Variants in ZSWIM5 observed in about 807,000 individuals in gnomAD.
ZSWIM5 encodes zinc finger SWIM domain-containing protein 5.
A neutral mutation model predicts 119.6 loss-of-function variants in ZSWIM5; 55 were observed. The ratio of observed to expected loss-of-function variants is 0.46; its 90% confidence interval spans 0.37 to 0.58. The LOEUF (loss-of-function observed/expected upper bound fraction) is 0.58, where lower values mean the gene tolerates loss of function less well. ZSWIM5 is among the 20% of genes least tolerant of loss of function. The probability of loss-of-function intolerance (pLI) is 0.00; values close to 1 mark genes in which losing one functional copy is unlikely to be tolerated. For synonymous variants in ZSWIM5, 537 were observed against 606.9 expected (o/e 0.88, Z 1.69); for missense variants, 1,193 against 1,512.8 (o/e 0.79, Z 3.51).
At chr1:45,185,827 G>A (rs1288101668) in intron 1 of ZSWIM5, among the ~76,000 whole-genome samples, 1 of 152,216 alleles carries the variant, frequency 6.6e-6, no homozygotes, top group Non-Finnish European at 1.5e-5. Context: ...TTCAACCATT[G>A]TGGAAGACAG....
rs1239948466 is a variant in ZSWIM5 at position 45,072,216 on chromosome 1, T to C, written c.953-11969A>G. On this transcript the variant is annotated intron_variant, in intron 2 of 13. Coordinates refer to ENST00000359600, the MANE Select transcript of ZSWIM5 (RefSeq NM_020883.2). This position sits in a 1 kb window ranked among gnomAD's most constrained non-coding sequence, Gnocchi z 4.1. ...TTTTCATATACTCATTTGCCACTTG[T>C]ATGTCGTCTTTTGAGAAATGTCTGT... Among the ~76,000 whole-genome samples, 1 of 152,030 alleles carries C rather than the reference T, an allele frequency of 6.6e-6. No individual in the cohort carries two copies. Among genetic ancestry groups the C allele is most frequent in the Non-Finnish European group, 1.5e-5 (1 of 68,036 alleles).
intron 1 of ZSWIM5, among the ~76,000 whole-genome samples, chr1:45,154,614 G>A (rs1274358201): frequency 6.6e-6 from 1 of 152,150 alleles, no homozygotes; most frequent in Non-Finnish European, 1.5e-5. Flanking sequence ...AGGTGTGGTG[G>A]CTCACGCCTG....
chr1:45,082,748 T>C (rs12080808), intron 2 of ZSWIM5, among the ~76,000 whole-genome samples: 6 of 152,182 alleles, frequency 3.9e-5, no homozygotes, highest in African/African-American at 1.4e-4. Context: ...CTCAAGTTGA[T>C]TGTGGCAGCC....
At chr1:45,055,135 C>T (rs899939485) in intron 4 of ZSWIM5, among the ~76,000 whole-genome samples, 27 of 152,294 alleles carry the variant, frequency 1.8e-4, no homozygotes, top group South Asian at 1.2e-3. Flanking sequence ...GGACTACAGG[C>T]GCCCACCACC....
At position 45,193,938 on chromosome 1, in the gene ZSWIM5, G is replaced by GTGTATA. The variant is rs766920512; in HGVS notation, c.595+11817_595+11818insTATACA. ...TATGTGTACATATGTGTGCATATGTGTATATATATATATATATACATACAT... is the reference window on the plus strand; with the variant it reads ...TATGTGTACATATGTGTGCATATGTGTGTATATATATATATATATATATACATACAT... On this transcript the variant is annotated intron_variant, in intron 1 of 13. Coordinates refer to ENST00000359600, the MANE Select transcript of ZSWIM5 (RefSeq NM_020883.2). Among the ~76,000 whole-genome samples, 971 of 146,264 alleles carry GTGTATA rather than the reference G, an allele frequency of 6.6e-3. 20 individuals are homozygous for GTGTATA. Among genetic ancestry groups the GTGTATA allele is most frequent in the African/African-American group, 0.024 (941 of 39,590 alleles).
intron 2 of ZSWIM5, among the ~76,000 whole-genome samples, chr1:45,069,743 C>T (rs951511461): frequency 2.5e-4 from 38 of 152,126 alleles, no homozygotes; most frequent in African/African-American, 8.9e-4. Flanking sequence ...CTCAACATCG[C>T]TGGCATAGCA....
intron 1 of ZSWIM5, among the ~76,000 whole-genome samples, chr1:45,103,654 A>G (rs566508182): frequency 2.0e-5 from 3 of 152,228 alleles, no homozygotes; most frequent in South Asian, 2.1e-4. Flanking sequence ...TCCTGGGCAA[A>G]TGTTCAAGGT....
chr1:45,183,471 G>A (rs945864025), intron 1 of ZSWIM5, among the ~76,000 whole-genome samples: 1 of 152,010 alleles, frequency 6.6e-6, no homozygotes, highest in East Asian at 1.9e-4. Flanking sequence ...CTGGTTTTTT[G>A]AAAGGATCAA....
intron 1 of ZSWIM5, among the ~76,000 whole-genome samples, chr1:45,134,741 G>A (rs780761798): frequency 2.0e-5 from 3 of 152,180 alleles, no homozygotes; most frequent in Non-Finnish European, 2.9e-5. Flanking sequence ...AAACAGAACA[G>A]AAATAGTCTC....
Position 45,205,838 on chromosome 1 carries a change from G to C in ZSWIM5, c.513C>G (p.Ala171=). 1 of 1,484,670 alleles carries C rather than the reference G, an allele frequency of 6.7e-7. No homozygotes were observed. Among genetic ancestry groups the C allele is most frequent in the Non-Finnish European group, 9.0e-7 (1 of 1,116,544 alleles). The allele number at this position is 1,484,670 out of a possible 1,614,324, so 92.0% of individuals were successfully genotyped here. A position where few individuals can be genotyped will look rare whatever the true frequency, so the allele number is the denominator to read the frequency against. The change falls in exon 1 of 14, where the codon GCC becomes GCG. Residue 171 remains alanine (A), a synonymous_variant. Coordinates refer to ENST00000359600, the MANE Select transcript of ZSWIM5 (RefSeq NM_020883.2). ...ACGGGAGCCCCTCGCCACCGCAGCCGGCCGCGCCGGCCCCTGCGCCCAGCC... is the reference window on the plus strand; with the variant it reads ...ACGGGAGCCCCTCGCCACCGCAGCCCGCCGCGCCGGCCCCTGCGCCCAGCC... ...SPGLGAGAGA[A]GCGGEGLPFR... is the part of the protein sequence containing the mutation.
intron 1 of ZSWIM5, among the ~76,000 whole-genome samples, chr1:45,122,165 T>C (rs1322810296): frequency 6.6e-6 from 1 of 152,196 alleles, no homozygotes. Context: ...TTATCAAGTG[T>C]TAAAGAAAAC....
At position 45,139,093 on chromosome 1, in the gene ZSWIM5, G is replaced by A. The variant is rs1403881097; in HGVS notation, c.596-50856C>T. The stretch of plus-strand genomic sequence containing the variant: ...GACGGGGGTTCACCACACTGGCCAG[G>A]CTGGTCTCAAAATCCTGACCTCAAA... On this transcript the variant is annotated intron_variant, in intron 1 of 13. Transcript: ENST00000359600. Among the ~76,000 whole-genome samples, 5 of 151,866 alleles carry A rather than the reference G, an allele frequency of 3.3e-5. No individual in the cohort carries two copies. In the South Asian group the frequency reaches 6.3e-4, roughly 19 times the overall value.
rs1160333266 is a variant in ZSWIM5 at position 45,043,236 on chromosome 1, C to T, written c.1592G>A (p.Gly531Asp). The change falls in exon 6 of 14, where the codon GGC becomes GAC. Residue 531 changes from glycine to aspartate, a missense_variant. Coordinates refer to ENST00000359600, the MANE Select transcript of ZSWIM5 (RefSeq NM_020883.2). ...AGACTTACCAAGCCACAGTGGCTGG[C>T]CTTGGGAATTAAAGAGTAGTCTTTC... ...ESERLLFNSQGQPLWLEHVPT... is the reference protein window; with the variant it reads ...ESERLLFNSQDQPLWLEHVPT... 1 of 1,613,648 alleles carries T rather than the reference C, an allele frequency of 6.2e-7. No homozygotes were observed. Among genetic ancestry groups the T allele is most frequent in the Non-Finnish European group, 8.5e-7 (1 of 1,179,900 alleles).
At chr1:45,054,149 C>T (rs1197991639) in intron 4 of ZSWIM5, among the ~76,000 whole-genome samples, 1 of 151,804 alleles carries the variant, frequency 6.6e-6, no homozygotes, top group Admixed American at 6.6e-5. Context: ...GTGATAGCCT[C>T]TGCCTGTAAT....
chr1:45,137,357 T>G (rs1157710588), intron 1 of ZSWIM5, among the ~76,000 whole-genome samples: 1 of 152,152 alleles, frequency 6.6e-6, no homozygotes, highest in Non-Finnish European at 1.5e-5. Flanking sequence ...TCCAAACAGA[T>G]TTTTAAAAAT....
chr1:45,169,769 T>C (rs1570175633), intron 1 of ZSWIM5, among the ~76,000 whole-genome samples: 1 of 152,206 alleles, frequency 6.6e-6, no homozygotes, highest in Non-Finnish European at 1.5e-5. Context: ...ATAAGAAAAC[T>C]TCTATTGTAC....
chr1:45,167,053 T>C (rs1246163361), intron 1 of ZSWIM5, among the ~76,000 whole-genome samples: 6 of 152,148 alleles, frequency 3.9e-5, no homozygotes, highest in African/African-American at 1.2e-4. Context: ...GGAGGCATCA[T>C]GCTACCTGAC....
chr1:45,191,626 T>A (rs1209739281), intron 1 of ZSWIM5, among the ~76,000 whole-genome samples: 2 of 152,140 alleles, frequency 1.3e-5, no homozygotes, highest in African/African-American at 4.8e-5. Flanking sequence ...CTTTCCTCAC[T>A]CCTTTATAAG....
intron 1 of ZSWIM5, among the ~76,000 whole-genome samples, chr1:45,158,607 TG>T (rs1443963020): frequency 1.3e-5 from 2 of 152,370 alleles, no homozygotes; most frequent in African/African-American, 2.4e-5. Context: ...GGCATCTTTT[TG>T]CATCTGTAAA....
Sources: allele counts gnomAD v4.1 joint callset (sites outside exome capture counted in the v4.1 genomes callset), GRCh38; gene constraint gnomAD v4.1.1; non-coding constraint Gnocchi (gnomAD v3.1); transcripts MANE v1.5; gene names NCBI Gene and HGNC (gene_info 2026-07-23, HGNC 2026-07-21).